The following PTGR2 variants were observed in gnomAD, a reference collection of about 807,000 sequenced individuals.
PTGR2 encodes the protein prostaglandin reductase 2.
A neutral mutation model predicts 43.4 loss-of-function variants in PTGR2; 32 were observed. That is an observed-to-expected ratio of 0.74 (90% CI 0.56 to 0.99). The LOEUF is 0.99. Ranked by LOEUF, PTGR2 falls within the 50% of genes least tolerant of loss-of-function variation. The pLI is 0.00. For missense variants in PTGR2, 373 were observed against 420.0 expected, an observed-to-expected ratio of 0.89 and a Z score of 0.98; for synonymous variants, 106 against 139.2, an observed-to-expected ratio of 0.76 and a Z score of 1.68.
intron 4 of PTGR2, among the ~76,000 whole-genome samples, chr14:73,876,325 A>C (rs532034910): frequency 3.9e-5 from 6 of 152,070 alleles, no homozygotes; most frequent in Admixed American, 3.9e-4. Context: ...CTGGAAGCTA[A>C]AAGTCCAAGA....
chr14:73,880,436 G>T lies in PTGR2; in HGVS notation c.851+260G>T, dbSNP rs548505834. On this transcript the variant is annotated intron_variant, in intron 7 of 9. Transcript: ENST00000555661. ...AAAAATACAAAAAAATTAGCCGGGTGTAGTGATGGGCGCCTGTAATCCCAG... is the reference window on the plus strand; with the variant it reads ...AAAAATACAAAAAAATTAGCCGGGTTTAGTGATGGGCGCCTGTAATCCCAG... Among the ~76,000 whole-genome samples the T allele has an allele frequency of 2.0e-5, 3 of 151,806 alleles. No homozygotes were observed. The South Asian group carries it at 6.2e-4, about 32-fold the overall frequency.
intron 3 of PTGR2, among the ~76,000 whole-genome samples, chr14:73,870,958 GC>G (rs997187614): frequency 1.3e-5 from 2 of 152,164 alleles, no homozygotes; most frequent in African/African-American, 4.8e-5. Flanking sequence ...AATTCCTAAA[GC>G]CCTTGGAATC....
rs1302609772 is a variant in PTGR2 at position 73,881,278 on chromosome 14, G to C, written c.925G>C (p.Glu309Gln). 3 of 1,596,656 alleles carry C rather than the reference G, an allele frequency of 1.9e-6. No homozygotes were observed. Among genetic ancestry groups the C allele is most frequent in the Admixed American group, 3.3e-5 (2 of 59,878 alleles). Residue 309 changes from glutamate (E) to glutamine (Q), a missense_variant, in exon 8 of 10, where the codon GAA becomes CAA. Coordinates refer to ENST00000555661, the MANE Select transcript of PTGR2 (RefSeq NM_001146154.2). ...TCTACAGCTGAGTCAGTGGTTTAAA[G>C]AAGGAAAGCTAAAGGTAGAACTTCT... ...GILQLSQWFK[E>Q]GKLKIKETVI...
At chr14:73,868,809 G>A (rs1355754452) in intron 3 of PTGR2, among the ~76,000 whole-genome samples, 2 of 151,792 alleles carry the variant, frequency 1.3e-5, no homozygotes, top group African/African-American at 4.8e-5. Flanking sequence ...AGAAGACTCT[G>A]GGCCATGCTC....
At chr14:73,881,315 A>G (rs748450513) in intron 8 of PTGR2, 23 bp downstream of exon 8, 37 of 1,356,538 alleles carry the variant, frequency 2.7e-5, no homozygotes, top group Middle Eastern at 3.7e-4. Context: ...TTCTTTATCA[A>G]TATAATTCTT....
chr14:73,876,347 G>T (rs1164852116), intron 4 of PTGR2, among the ~76,000 whole-genome samples: 1 of 152,156 alleles, frequency 6.6e-6, no homozygotes, highest in Non-Finnish European at 1.5e-5. Flanking sequence ...CAGAGTTCTG[G>T]AAAATTTGGT....
chr14:73,880,061 G>A lies in PTGR2; in HGVS notation c.736G>A (p.Glu246Lys). ...ISDTVISQMN[E>K]NSHIILCGQI... Reference sequence around the variant, plus strand: ...ATTATTTTTCTCTGTGCAGATGAATGAGAACAGCCACATCATCCTGTGTGG... The same window carrying A: ...ATTATTTTTCTCTGTGCAGATGAATAAGAACAGCCACATCATCCTGTGTGG... The change falls in exon 7 of 10, where the codon GAG becomes AAG. Residue 246 changes from glutamate (E) to lysine (K), a missense_variant. Physicochemically the swap from Glu to Lys is moderately conservative, Grantham distance 56. Coordinates refer to ENST00000555661, the MANE Select transcript of PTGR2 (RefSeq NM_001146154.2). The A allele has an allele frequency of 3.1e-6, 5 of 1,613,744 alleles. No individual in the cohort carries two copies. Among genetic ancestry groups the A allele is most frequent in the Non-Finnish European group, 4.2e-6 (5 of 1,179,746 alleles).
At chr14:73,868,512 A>G (rs1990252) in intron 3 of PTGR2, among the ~76,000 whole-genome samples, 74,345 of 151,840 alleles carry the variant, frequency 0.49, 18,415 homozygotes, top group South Asian at 0.61. Context: ...TGTCCCTGGC[A>G]GGATTTGCTT....
intron 1 of PTGR2, among the ~76,000 whole-genome samples, chr14:73,857,664 G>GTTTTTTTTGTT (rs2054384316): frequency 3.1e-5 from 2 of 64,696 alleles, no homozygotes; most frequent in East Asian, 5.4e-4. Context: ...AGCAGTTAGT[G>GTTTTTTTTGTT]TTTTTTTTTT....
rs144774172 is a variant in PTGR2 at position 73,863,355 on chromosome 14, C to G, written c.156+2698C>G. 7.2e-3 allele frequency among the ~76,000 whole-genome samples: 1,102 copies of G among 152,134 alleles called. 7 individuals are homozygous for G. The highest frequency in any genetic ancestry group is 0.025 in the African/African-American group (1,054 of 41,502). On this transcript the variant is annotated intron_variant, in intron 3 of 9. Coordinates refer to ENST00000555661, the MANE Select transcript of PTGR2 (RefSeq NM_001146154.2). ...ACAGAGTCTTGCACTGTTGCCCAGGCTGGAATGCAGTGGGGCAATCATAGC... is the reference window on the plus strand; with the variant it reads ...ACAGAGTCTTGCACTGTTGCCCAGGGTGGAATGCAGTGGGGCAATCATAGC...
chr14:73,882,406 A>T lies in PTGR2; in HGVS notation c.947A>T (p.Glu316Val). The T allele has an allele frequency of 1.3e-6, 2 of 1,570,768 alleles. No individual in the cohort carries two copies. The highest frequency in any genetic ancestry group is 1.8e-6 in the Non-Finnish European group (2 of 1,141,398). ...WFKEGKLKIK[E>V]TVINGLENMG... ...AGCTATTTTGATTTACAGATTAAAGAGACGGTAATAAATGGGTTGGAAAAC... is the reference window on the plus strand; with the variant it reads ...AGCTATTTTGATTTACAGATTAAAGTGACGGTAATAAATGGGTTGGAAAAC... The change falls in exon 9 of 10, where the codon GAG becomes GTG. Residue 316 changes from glutamate to valine, a missense_variant. Coordinates refer to ENST00000555661, the MANE Select transcript of PTGR2 (RefSeq NM_001146154.2).
chr14:73,858,961 A>G, intron 2 of PTGR2, 62 bp downstream of exon 2: 2 of 1,310,572 alleles, frequency 1.5e-6, no homozygotes, highest in East Asian at 2.3e-5. Flanking sequence ...AAATGGAGGA[A>G]TAAAAACTAA....
At chr14:73,881,436 C>G in intron 8 of PTGR2, 144 bp downstream of exon 8, 3 of 532,686 alleles carry the variant, frequency 5.6e-6, no homozygotes, top group South Asian at 3.4e-5. Context: ...TAAATTAACT[C>G]TACCTCCCAG....
chr14:73,879,793 C>T, intron 6 of PTGR2: 1 of 392,496 alleles, frequency 2.5e-6, no homozygotes, highest in Non-Finnish European at 4.7e-6. Flanking sequence ...CAAAAAAATA[C>T]AGTTCTACCA....
chr14:73,875,393 T>C (rs1359538088), intron 4 of PTGR2, among the ~76,000 whole-genome samples: 1 of 152,154 alleles, frequency 6.6e-6, no homozygotes, highest in Non-Finnish European at 1.5e-5. Flanking sequence ...TTGCCCAGGC[T>C]GGAGCGCAGT....
At chr14:73,873,976 G>A (rs745770723) in intron 3 of PTGR2, 47 bp from the exon 4 acceptor site, 7 of 1,414,908 alleles carry the variant, frequency 4.9e-6, no homozygotes, top group East Asian at 2.3e-5. Context: ...TTAGTAGAGT[G>A]GTTTGACATT....
intron 3 of PTGR2, chr14:73,861,875 C>T (rs1028953504): frequency 2.7e-5 from 4 of 149,204 alleles, no homozygotes; most frequent in African/African-American, 9.8e-5. Flanking sequence ...GTACTGTAAA[C>T]TTAGTGGCTT....
intron 3 of PTGR2, among the ~76,000 whole-genome samples, chr14:73,871,068 G>A (rs911109538): frequency 1.3e-5 from 2 of 152,222 alleles, no homozygotes; most frequent in African/African-American, 2.4e-5. Context: ...CCAACCATAT[G>A]ATCAGAGGGT....
intron 4 of PTGR2, among the ~76,000 whole-genome samples, chr14:73,875,561 G>A (rs1343963606): frequency 1.3e-5 from 2 of 150,768 alleles, no homozygotes; most frequent in South Asian, 4.2e-4. Context: ...GGCCAGGGTG[G>A]TGTTGAATGC....
Sources: gnomAD v4.1 joint callset for allele counts (sites outside exome capture counted in the v4.1 genomes callset) on GRCh38, gnomAD v4.1.1 for gene constraint, MANE v1.5 for transcripts, NCBI Gene and HGNC (gene_info 2026-07-23, HGNC 2026-07-21) for gene names.